The following WDR27 variants were observed in gnomAD, a reference collection of about 807,000 sequenced individuals.
WDR27 encodes the protein WD repeat-containing protein 27.
WDR27 carries 100 observed loss-of-function variants against 114.4 expected under a neutral mutation model. That is an observed-to-expected ratio of 0.87 (90% CI 0.74 to 1.03). The LOEUF (loss-of-function observed/expected upper bound fraction) is 1.03. Among genes scored for constraint, WDR27 ranks in the 50% least tolerant of loss-of-function variants. WDR27 has a pLI of 0.00. For synonymous variants in WDR27, 449 were observed against 423.1 expected (o/e 1.06, Z -0.75); for missense variants, 1,129 against 1,092.9 (o/e 1.03, Z -0.47).
At chr6:169,508,311 T>A (rs939252205) in intron 25 of WDR27, among the ~76,000 whole-genome samples, 3 of 152,360 alleles carry the variant, frequency 2.0e-5, no homozygotes, top group African/African-American at 7.2e-5. Context: ...AATGGCTTGT[T>A]AGCCAAATGA....
At position 169,668,083 on chromosome 6, in the gene WDR27, G is replaced by C. The variant is rs764258787; in HGVS notation, c.559C>G (p.Arg187Gly). The change falls in exon 5 of 26, where the codon CGG (arginine) becomes GGG (glycine). Residue 187 changes from arginine (R) to glycine (G), a missense_variant. Coordinates refer to ENST00000448612, the MANE Select transcript of WDR27 (RefSeq NM_182552.5). Reference protein sequence around the residue: ...LHTFSQTQAVRAELQGHLGPV... With the variant: ...LHTFSQTQAVGAELQGHLGPV... ...CCCAGGTGGCCCTGCAGCTCGGCCC[G>C]AACAGCCTGAGTCTGAGAGAATGTG... 2 of 1,614,040 alleles carry C rather than the reference G, an allele frequency of 1.2e-6. No homozygotes were observed. The highest frequency in any genetic ancestry group is 2.2e-5 in the South Asian group (2 of 91,074).
intron 23 of WDR27, among the ~76,000 whole-genome samples, chr6:169,584,855 T>A (rs1437244840): frequency 6.6e-6 from 1 of 152,182 alleles, no homozygotes; most frequent in Non-Finnish European, 1.5e-5. Context: ...AGTCCATAGG[T>A]TGCTTTTTCA....
intron 25 of WDR27, among the ~76,000 whole-genome samples, chr6:169,513,665 GTAAT>G (rs140284602): frequency 1.4e-5 from 2 of 146,712 alleles, no homozygotes; most frequent in African/African-American, 5.2e-5. Flanking sequence ...TTATTTATAA[GTAAT>G]TACTTATAAA....
rs532281167 is a variant in WDR27 at position 169,561,248 on chromosome 6, C to T, written c.2645+11171G>A. On this transcript the variant is annotated intron_variant, in intron 25 of 25. Transcript: ENST00000448612. Reference sequence around the variant, plus strand: ...AAAGCGCCAACAAAGTGCCCTCAAGCCTCTTTTATGGGGGCATTAATTCCT... The same window carrying T: ...AAAGCGCCAACAAAGTGCCCTCAAGTCTCTTTTATGGGGGCATTAATTCCT... 2.9e-4 allele frequency among the ~76,000 whole-genome samples: 44 copies of T among 152,218 alleles called. 1 individual carries two copies. In the South Asian group the frequency reaches 8.9e-3, roughly 31 times the overall value.
intron 23 of WDR27, among the ~76,000 whole-genome samples, chr6:169,594,429 A>T (rs993181429): frequency 3.3e-5 from 5 of 152,222 alleles, no homozygotes; most frequent in Non-Finnish European, 7.3e-5. Context: ...TATCTACAAG[A>T]TAATGCATTA....
At position 169,659,853 on chromosome 6, in the gene WDR27, T is replaced by A. The variant is rs1450841184; in HGVS notation, c.1130-335A>T. Among the ~76,000 whole-genome samples the A allele has an allele frequency of 1.3e-5, 2 of 151,616 alleles. No individual in the cohort carries two copies. Among genetic ancestry groups the A allele is most frequent in the East Asian group, 3.9e-4 (2 of 5,120 alleles). On this transcript the variant is annotated intron_variant, in intron 10 of 25. Coordinates refer to ENST00000448612, the MANE Select transcript of WDR27 (RefSeq NM_182552.5). This position sits in a 1 kb window ranked among gnomAD's most constrained non-coding sequence, Gnocchi z 4.3. ...ACCAGATCAGAAAGGAAATGTGTAA[T>A]TAGAGCTGTGACCATTTGGGGGAAG...
At chr6:169,651,575 G>C (rs369299424) in intron 14 of WDR27, among the ~76,000 whole-genome samples, 9 of 152,234 alleles carry the variant, frequency 5.9e-5, no homozygotes, top group Middle Eastern at 3.4e-3. Context: ...TCTAAGAAGA[G>C]CACCGTGTCC....
intron 23 of WDR27, among the ~76,000 whole-genome samples, chr6:169,597,376 T>C (rs571304517): frequency 1.3e-5 from 2 of 152,266 alleles, no homozygotes; most frequent in Non-Finnish European, 2.9e-5. Context: ...ATACTTGTAA[T>C]TTTTGACTGA....
chr6:169,641,832 C>T (rs1172122746), intron 17 of WDR27, among the ~76,000 whole-genome samples: 1 of 152,268 alleles, frequency 6.6e-6, no homozygotes, highest in African/African-American at 2.4e-5. Context: ...ACCGCTAGCT[C>T]CAGGGCGCGT....
chr6:169,701,932 G>T lies in WDR27; in HGVS notation c.-389C>A, dbSNP rs933132585. Reference sequence around the variant, plus strand: ...GCTAGGGGAGGACTCACAGCACCCAGCTCCCAGGAGGGCACGCAGAGGACT... The same window carrying T: ...GCTAGGGGAGGACTCACAGCACCCATCTCCCAGGAGGGCACGCAGAGGACT... On this transcript the variant is annotated 5_prime_UTR_variant, in exon 1 of 26. The change creates a new upstream start codon in the 5' untranslated region. Transcript: ENST00000448612. The T allele has an allele frequency of 2.8e-6, 1 of 361,158 alleles. No homozygotes were observed. The highest frequency in any genetic ancestry group is 2.2e-5 in the African/African-American group (1 of 46,196). The allele number at this position is 361,158 out of a possible 1,614,324, so 22.4% of individuals were successfully genotyped here.
intron 25 of WDR27, among the ~76,000 whole-genome samples, chr6:169,565,017 C>T (rs1001037785): frequency 2.0e-5 from 3 of 151,924 alleles, no homozygotes; most frequent in African/African-American, 7.3e-5. Flanking sequence ...TGTCAGCGAG[C>T]ACTCCCTTCC....
intron 17 of WDR27, among the ~76,000 whole-genome samples, chr6:169,642,241 C>T (rs1819375821): frequency 6.6e-6 from 1 of 152,122 alleles, no homozygotes; most frequent in African/African-American, 2.4e-5. Context: ...CACTATTAAA[C>T]GTTACACACC....
chr6:169,453,767 A>G (rs1378815426), downstream of WDR27, among the ~76,000 whole-genome samples: 1 of 152,206 alleles, frequency 6.6e-6, no homozygotes, highest in Non-Finnish European at 1.5e-5. Flanking sequence ...GTTACTGAAT[A>G]TGATACAGAT....
chr6:169,459,776 G>T (rs1227185472), intron 25 of WDR27, among the ~76,000 whole-genome samples: 6 of 151,908 alleles, frequency 3.9e-5, no homozygotes, highest in Admixed American at 3.9e-4. Flanking sequence ...AGACCACAAG[G>T]CAATGGTCTT....
chr6:169,464,805 T>C (rs773789926), intron 25 of WDR27, among the ~76,000 whole-genome samples: 15 of 152,212 alleles, frequency 9.9e-5, no homozygotes, highest in Non-Finnish European at 1.6e-4. Context: ...AAAGAAGATA[T>C]ACAAATGCGC....
At chr6:169,448,193 C>A in the WDR27 span, among the ~76,000 whole-genome samples, 1 of 152,104 alleles carries the variant, frequency 6.6e-6, no homozygotes, top group Non-Finnish European at 1.5e-5. Context: ...CGTGAGCCAC[C>A]GTGCCTGGCC....
intron 24 of WDR27, among the ~76,000 whole-genome samples, chr6:169,578,394 C>T (rs1176491097): frequency 1.3e-5 from 2 of 152,130 alleles, no homozygotes; most frequent in African/African-American, 4.8e-5. Flanking sequence ...CTTGCAAACA[C>T]GGCCTAGGTT....
the WDR27 span, among the ~76,000 whole-genome samples, chr6:169,438,389 C>G: frequency 6.6e-6 from 1 of 151,988 alleles, no homozygotes; most frequent in East Asian, 1.9e-4. Context: ...AGGCACCCAC[C>G]ACCACACCCG....
intron 25 of WDR27, among the ~76,000 whole-genome samples, chr6:169,468,300 C>T (rs1370901218): frequency 1.3e-5 from 2 of 152,192 alleles, no homozygotes; most frequent in Non-Finnish European, 2.9e-5. Context: ...TCAACCTCTG[C>T]CTGTTACACA....
Sources: allele counts gnomAD v4.1 joint callset (sites outside exome capture counted in the v4.1 genomes callset), GRCh38; gene constraint gnomAD v4.1.1; non-coding constraint Gnocchi (gnomAD v3.1); transcripts MANE v1.5; gene names NCBI Gene and HGNC (gene_info 2026-07-23, HGNC 2026-07-21).